PLCXD2: variants seen among roughly 807,000 people sequenced by gnomAD.
PLCXD2 encodes the protein PI-PLC X domain-containing protein 2.
Under a neutral mutation model 28.6 loss-of-function variants are expected in PLCXD2, and 21 were observed. The ratio of observed to expected loss-of-function variants is 0.73; its 90% CI spans 0.52 to 1.06. The LOEUF (loss-of-function observed/expected upper bound fraction) is 1.06, where lower values mean the gene tolerates loss of function less well. Ranked by LOEUF, PLCXD2 falls within the 50% of genes least tolerant of loss-of-function variation. The pLI is 0.00. For synonymous variants in PLCXD2, 140 were observed against 150.1 expected (o/e 0.93, Z 0.49); for missense variants, 369 against 376.7 (o/e 0.98, Z 0.17).
chr3:111,699,478 T>C (rs1287307224), intron 1 of PLCXD2, among the ~76,000 whole-genome samples: 2 of 152,156 alleles, frequency 1.3e-5, no homozygotes, highest in Non-Finnish European at 2.9e-5. Context: ...AATCCCCAAA[T>C]GGCAACCCTC....
chr3:111,695,524 C>T lies in PLCXD2; in HGVS notation c.164-12402C>T, dbSNP rs114290007. Among the ~76,000 whole-genome samples the T allele has an allele frequency of 7.0e-3, 1,059 of 152,332 alleles. 13 individuals carry two copies. The highest frequency in any genetic ancestry group is 0.025 in the African/African-American group (1,026 of 41,568). ...AAGTAGAGTTAGGGTTCCTGGAAAACCAACACTGTGAAACTGCAACAGGCA... is the reference window on the plus strand; with the variant it reads ...AAGTAGAGTTAGGGTTCCTGGAAAATCAACACTGTGAAACTGCAACAGGCA... On this transcript the variant is annotated intron_variant, in intron 1 of 4. Transcript: ENST00000477665.
At chr3:111,694,934 T>C (rs1458723516) in intron 1 of PLCXD2, among the ~76,000 whole-genome samples, 2 of 152,184 alleles carry the variant, frequency 1.3e-5, no homozygotes, top group Non-Finnish European at 2.9e-5. Flanking sequence ...TTGAGACATA[T>C]GTTGTCAGCC....
rs777445571 is a variant in PLCXD2 at position 111,708,356 on chromosome 3, G to A, written c.594G>A (p.Thr198=). ...CAGCCTGCAGTGTGGAAAGTTTGAC[G>A]CTGCGAACTCTGTGGGAGAAGAACT... Residue 198 remains threonine, a synonymous_variant, in exon 2 of 5, where the codon ACG becomes ACA. Transcript: ENST00000477665. 4.0e-5 allele frequency: 64 copies of A among 1,613,908 alleles called. No homozygotes were observed. The highest frequency in any genetic ancestry group is 7.7e-5 in the South Asian group (7 of 91,062).
intron 1 of PLCXD2, among the ~76,000 whole-genome samples, chr3:111,706,891 A>G (rs961196387): frequency 1.3e-5 from 2 of 152,130 alleles, no homozygotes; most frequent in African/African-American, 4.8e-5. Flanking sequence ...GGATATAACA[A>G]TTGTAAATAT....
At chr3:111,689,409 G>A (rs1407315428) in intron 1 of PLCXD2, among the ~76,000 whole-genome samples, 3 of 152,220 alleles carry the variant, frequency 2.0e-5, no homozygotes, top group Non-Finnish European at 4.4e-5. Context: ...GCTTTGTGTT[G>A]TAGACCATAG....
At chr3:111,687,688 T>TTTC (rs1940814848) in intron 1 of PLCXD2, among the ~76,000 whole-genome samples, 2 of 148,626 alleles carry the variant, frequency 1.3e-5, no homozygotes, top group South Asian at 2.1e-4. Flanking sequence ...TTCTTTCTTT[T>TTTC]TTTTTTTTTT....
chr3:111,725,844 G>A (rs753118635), intron 3 of PLCXD2: 15 of 398,462 alleles, frequency 3.8e-5, no homozygotes, highest in East Asian at 7.1e-5. Context: ...ATTCCTTCCC[G>A]TCTCCTTCAT....
chr3:111,707,819 A>G lies in PLCXD2; in HGVS notation c.164-107A>G, dbSNP rs60198188. The stretch of plus-strand genomic sequence containing the variant: ...GCTACTATTCATTTGCAGTTTTAGT[A>G]TGTTATTTGGTGCTTAATTTTTGTT... On this transcript the variant is annotated intron_variant, in intron 1 of 4. Coordinates refer to ENST00000477665, the MANE Select transcript of PLCXD2 (RefSeq NM_001185106.1). The G allele has an allele frequency of 4.8e-3, 4,948 of 1,021,292 alleles. 143 individuals carry two copies. The African/African-American group carries it at 0.068, about 14-fold the overall frequency. 63.3% of individuals were successfully genotyped at this position (1,021,292 alleles called of 1,614,324 possible). A position where few individuals can be genotyped will look rare whatever the true frequency, so the allele number is the denominator to read the frequency against.
intron 2 of PLCXD2, among the ~76,000 whole-genome samples, chr3:111,711,686 G>A (rs1189508010): frequency 1.3e-5 from 2 of 152,188 alleles, no homozygotes; most frequent in Admixed American, 6.5e-5. Flanking sequence ...GGTACAATGA[G>A]TTAGAGATTT....
intron 3 of PLCXD2, chr3:111,722,656 A>G (rs946145996): frequency 2.6e-5 from 4 of 152,178 alleles, no homozygotes; most frequent in South Asian, 4.2e-4. Flanking sequence ...GGAGTCCCGA[A>G]TGGATGTATG....
intron 1 of PLCXD2, among the ~76,000 whole-genome samples, chr3:111,706,274 C>A (rs567227814): frequency 6.6e-6 from 1 of 152,108 alleles, no homozygotes; most frequent in Non-Finnish European, 1.5e-5. Flanking sequence ...GGATATTAGT[C>A]CTTTGTAAGA....
At chr3:111,714,265 C>T (rs531918970) in intron 3 of PLCXD2, 137 bp downstream of exon 3, 32 of 1,193,212 alleles carry the variant, frequency 2.7e-5, no homozygotes, top group Admixed American at 5.7e-5. Flanking sequence ...ACTTTGTATT[C>T]GAGAAAACCA....
chr3:111,697,704 A>G (rs553772864), intron 1 of PLCXD2, among the ~76,000 whole-genome samples: 1 of 152,326 alleles, frequency 6.6e-6, no homozygotes, highest in South Asian at 2.1e-4. Flanking sequence ...TCTGTCATTC[A>G]ACATCTTTTT....
intron 2 of PLCXD2, among the ~76,000 whole-genome samples, chr3:111,712,799 T>C (rs1276130912): frequency 6.6e-6 from 1 of 152,178 alleles, no homozygotes; most frequent in East Asian, 1.9e-4. Context: ...CAGGAAAAGA[T>C]TACTAGTGCC....
At chr3:111,691,909 A>G (rs1710896403) in intron 1 of PLCXD2, among the ~76,000 whole-genome samples, 1 of 152,250 alleles carries the variant, frequency 6.6e-6, no homozygotes. Context: ...GGCATTAGGT[A>G]CATAATAAGC....
chr3:111,724,515 C>T (rs188820540), intron 3 of PLCXD2: 6 of 152,240 alleles, frequency 3.9e-5, no homozygotes, highest in Admixed American at 2.0e-4. Flanking sequence ...TATGGCGTGG[C>T]GGGACTTTCC....
intron 1 of PLCXD2, among the ~76,000 whole-genome samples, chr3:111,685,472 C>T (rs1189480955): frequency 6.6e-6 from 1 of 152,162 alleles, no homozygotes; most frequent in Non-Finnish European, 1.5e-5. Context: ...AATCATCAAA[C>T]ACAATTTATT....
rs149938942 is a variant in PLCXD2 at position 111,700,126 on chromosome 3, G to A, written c.164-7800G>A. Among the ~76,000 whole-genome samples the A allele has an allele frequency of 3.6e-3, 547 of 152,270 alleles. 5 individuals are homozygous for A. Among genetic ancestry groups the A allele is most frequent in the African/African-American group, 0.013 (522 of 41,552 alleles). The stretch of plus-strand genomic sequence containing the variant: ...TTTTGACTTAGAAGGTTTGGGGTGA[G>A]CTCATGGGCACTGGTGTTTTTTAAA... On this transcript the variant is annotated intron_variant, in intron 1 of 4. Coordinates refer to ENST00000477665, the MANE Select transcript of PLCXD2 (RefSeq NM_001185106.1).
At chr3:111,709,480 A>G (rs1941170566) in intron 2 of PLCXD2, among the ~76,000 whole-genome samples, 1 of 151,752 alleles carries the variant, frequency 6.6e-6, no homozygotes, top group Admixed American at 6.6e-5. Context: ...ACACACACAC[A>G]CACGCACACA....
Sources: allele counts gnomAD v4.1 joint callset (sites outside exome capture counted in the v4.1 genomes callset), GRCh38; gene constraint gnomAD v4.1.1; transcripts MANE v1.5; gene names NCBI Gene and HGNC (gene_info 2026-07-23, HGNC 2026-07-21).